SP140L: variants seen among roughly 807,000 people sequenced by gnomAD.
SP140L encodes SP140 like nuclear body protein.
In SP140L, 64 loss-of-function variants were observed where a neutral mutation model predicts 84.3. The observed-to-expected ratio is 0.76, with a 90% CI of 0.62 to 0.94. The LOEUF is 0.94. Ranked by LOEUF, SP140L falls within the 40% of genes least tolerant of loss-of-function variation. The pLI is 0.00. For missense variants in SP140L, 628 were observed against 692.5 expected (o/e 0.91, Z 1.05); for synonymous variants, 242 against 236.9 (o/e 1.02, Z -0.20).
chr2:230,354,199 A>G (rs1008908554), intron 2 of SP140L, among the ~76,000 whole-genome samples: 1 of 152,058 alleles, frequency 6.6e-6, no homozygotes, highest in Non-Finnish European at 1.5e-5. Context: ...TCAAATGTCT[A>G]TTGATCTGTG....
chr2:230,364,146 G>T (rs911038833), intron 5 of SP140L, among the ~76,000 whole-genome samples: 11 of 151,968 alleles, frequency 7.2e-5, no homozygotes, highest in Admixed American at 1.3e-4. Context: ...GCTAGTTGGG[G>T]TCTCTTGTGC....
At chr2:230,364,804 G>C (rs1431302227) in intron 5 of SP140L, among the ~76,000 whole-genome samples, 1 of 151,968 alleles carries the variant, frequency 6.6e-6, no homozygotes, top group African/African-American at 2.4e-5. Flanking sequence ...AGTGTTCTGA[G>C]GTACATTTCT....
At chr2:230,396,037 C>A (rs903603844) in intron 13 of SP140L, among the ~76,000 whole-genome samples, 1 of 152,178 alleles carries the variant, frequency 6.6e-6, no homozygotes, top group East Asian at 1.9e-4. Flanking sequence ...GCCCTGTGGT[C>A]CCTGTAGGCT....
chr2:230,337,410 G>C (rs199647027), intron 2 of SP140L, among the ~76,000 whole-genome samples: 1 of 152,134 alleles, frequency 6.6e-6, no homozygotes, highest in African/African-American at 2.4e-5. Flanking sequence ...TGTCAGATGA[G>C]TAGGTTGCAA....
At chr2:230,366,443 CCTT>C (rs1163136517) in intron 5 of SP140L, among the ~76,000 whole-genome samples, 1 of 151,812 alleles carries the variant, frequency 6.6e-6, no homozygotes, top group African/African-American at 2.4e-5. Flanking sequence ...GCTACTCCTT[CCTT>C]CTTTGGTTTG....
chr2:230,332,136 A>G (rs1211454207), intron 2 of SP140L, among the ~76,000 whole-genome samples: 1 of 152,164 alleles, frequency 6.6e-6, no homozygotes, highest in Admixed American at 6.5e-5. Flanking sequence ...TTACTAAGTT[A>G]TTTCTTTTAA....
At chr2:230,381,008 A>G (rs535533860) in intron 7 of SP140L, among the ~76,000 whole-genome samples, 1 of 152,114 alleles carries the variant, frequency 6.6e-6, no homozygotes, top group African/African-American at 2.4e-5. Flanking sequence ...TGGGATATAG[A>G]GTAGACGCAT....
chr2:230,391,520 T>C (rs530349656), intron 11 of SP140L, among the ~76,000 whole-genome samples: 1 of 152,352 alleles, frequency 6.6e-6, no homozygotes, highest in Non-Finnish European at 1.5e-5. Context: ...TTAGGTAACA[T>C]TTCACAATTA....
chr2:230,334,039 C>T (rs1241860377), intron 2 of SP140L, among the ~76,000 whole-genome samples: 1 of 152,184 alleles, frequency 6.6e-6, no homozygotes, highest in African/African-American at 2.4e-5. Flanking sequence ...TTTGCTTGTT[C>T]TGAAAGAATT....
intron 2 of SP140L, among the ~76,000 whole-genome samples, chr2:230,350,462 T>TGTC (rs112323769): frequency 6.6e-6 from 1 of 152,228 alleles, no homozygotes; most frequent in African/African-American, 2.4e-5. Context: ...TTGTTGTTGT[T>TGTC]GTCGTTTTGC....
chr2:230,379,693 T>C (rs1293315103), intron 7 of SP140L, among the ~76,000 whole-genome samples: 1 of 152,220 alleles, frequency 6.6e-6, no homozygotes, highest in Non-Finnish European at 1.5e-5. Context: ...CAAATTTGTC[T>C]TTCTTTTGAT....
intron 5 of SP140L, among the ~76,000 whole-genome samples, chr2:230,367,951 G>A (rs796703012): frequency 2.1e-4 from 32 of 152,194 alleles, no homozygotes; most frequent in African/African-American, 7.5e-4. Flanking sequence ...ATATATTGTA[G>A]GTATTATTTT....
At position 230,347,324 on chromosome 2, in the gene SP140L, C is replaced by A. The variant is rs530642023; in HGVS notation, c.108-10481C>A. On this transcript the variant is annotated intron_variant, in intron 2 of 18. Coordinates refer to ENST00000415673, the MANE Select transcript of SP140L (RefSeq NM_138402.6). ...AATCAGGGTTGCAGGCTGTGTTTTG[C>A]AGTTGGGTTGAGTCACTGTCTGGGT... 7.9e-5 allele frequency among the ~76,000 whole-genome samples: 12 copies of A among 152,232 alleles called. No individual in the cohort carries two copies. The East Asian group carries it at 2.3e-3, about 29-fold the overall frequency.
Position 230,388,375 on chromosome 2 carries a change from A to G in SP140L, c.785-184A>G, listed in dbSNP as rs547515235. ...TAATGTAAGAATAGGAAAATGAAAT[A>G]TAAAGTGAACCTAACATTAGCTATC... On this transcript the variant is annotated intron_variant, in intron 9 of 18. Coordinates refer to ENST00000415673, the MANE Select transcript of SP140L (RefSeq NM_138402.6). Among the ~76,000 whole-genome samples the G allele has an allele frequency of 3.9e-5, 6 of 152,368 alleles. No individual in the cohort carries two copies. In the South Asian group the frequency reaches 1.2e-3, roughly 32 times the overall value.
chr2:230,329,848 A>G (rs796151932), intron 2 of SP140L, among the ~76,000 whole-genome samples: 7 of 152,272 alleles, frequency 4.6e-5, no homozygotes, highest in African/African-American at 1.4e-4. Context: ...GTAATTTCCA[A>G]TTTAAAAAAA....
intron 2 of SP140L, among the ~76,000 whole-genome samples, chr2:230,354,881 G>GAAAGAAAGAAAGAAAGAAAGA (rs565359776): frequency 0.027 from 3,418 of 125,562 alleles, 113 homozygotes; most frequent in East Asian, 0.1. Flanking sequence ...AAGAAAGAAA[G>GAAAGAAAGAAAGAAAGAAAGA]AAAGAAAGAA....
At chr2:230,394,687 A>G (rs72495175) in intron 13 of SP140L, among the ~76,000 whole-genome samples, 40,785 of 152,094 alleles carry the variant, frequency 0.27, 5,823 homozygotes, top group Non-Finnish European at 0.31. Context: ...GCAACAAGCT[A>G]CAGTTGCCTC....
rs184693898 is a variant in SP140L at position 230,385,217 on chromosome 2, T to G, written c.704-7T>G. ...CTATTAATACATTTTCCCTTGCCTA[T>G]CCCCAGATAACAGCAAAGCCGATGG... On this transcript the variant is annotated splice_polypyrimidine_tract_variant and splice_region_variant and intron_variant, in intron 8 of 18. Transcript: ENST00000415673. The G allele has an allele frequency of 7.1e-5, 114 of 1,613,266 alleles. No homozygotes were observed. The African/African-American group carries it at 1.3e-3, about 19-fold the overall frequency.
chr2:230,331,761 T>C (rs1451966805), intron 2 of SP140L, among the ~76,000 whole-genome samples: 1 of 152,198 alleles, frequency 6.6e-6, no homozygotes, highest in East Asian at 1.9e-4. Context: ...TTCTAGTTAT[T>C]TCTTTCTGGC....
Sources: gnomAD v4.1 joint callset for allele counts (sites outside exome capture counted in the v4.1 genomes callset) on GRCh38, gnomAD v4.1.1 for gene constraint, MANE v1.5 for transcripts, NCBI Gene and HGNC (gene_info 2026-07-23, HGNC 2026-07-21) for gene names.